ITM2B: variants seen among roughly 807,000 people sequenced by gnomAD.
ITM2B encodes integral membrane protein 2B.
A neutral mutation model predicts 27.8 loss-of-function variants in ITM2B; 11 were observed. The observed-to-expected ratio is 0.40, with a 90% CI of 0.25 to 0.66. The LOEUF is 0.66. Ranked by LOEUF, ITM2B falls within the 30% of genes least tolerant of loss-of-function variation. The pLI, the probability that ITM2B is intolerant of heterozygous loss-of-function variation, is 0.43. For missense variants in ITM2B, 296 were observed against 328.9 expected (o/e 0.90, Z 0.77); for synonymous variants, 114 against 114.3 (o/e 1.00, Z 0.02).
rs767045938 is a variant in ITM2B, at chr13:48,258,893, C to T, written c.661C>T (p.Arg221Ter). The T allele has an allele frequency of 6.8e-6, 11 of 1,612,900 alleles. No homozygotes were observed. The highest frequency in any genetic ancestry group is 1.7e-5 in the Admixed American group (1 of 59,986). Residue 221 changes from arginine to a stop codon, truncating the protein, a stop_gained, in exon 5 of 6, where the codon CGA becomes TGA. Coordinates refer to ENST00000647800, the MANE Select transcript of ITM2B (RefSeq NM_021999.5). LOFTEE classifies it high-confidence loss of function. ...TGATCACCTGGGTTTCTTTATTTAT[C>T]GACTGTGTCATGACAAGGAAACTTA... ...NIDHLGFFIY[R>*]LCHDKETYKL...
At position 48,261,261 on chromosome 13, in the gene ITM2B, C is replaced by T; in HGVS notation, c.*37C>T. 1 of 1,329,042 alleles carries T rather than the reference C, an allele frequency of 7.5e-7. No individual in the cohort carries two copies. The highest frequency in any genetic ancestry group is 1.1e-6 in the Non-Finnish European group (1 of 920,678). 82.3% of individuals were successfully genotyped at this position (1,329,042 alleles called of 1,614,324 possible). Reference sequence around the variant, plus strand: ...AAACATTATTGAGGAAAATTAATATCACAGCATAACCCCACCCTTTACATT... The same window carrying T: ...AAACATTATTGAGGAAAATTAATATTACAGCATAACCCCACCCTTTACATT... On this transcript the variant is annotated 3_prime_UTR_variant, in exon 6 of 6. Coordinates refer to ENST00000647800, the MANE Select transcript of ITM2B (RefSeq NM_021999.5).
intron 2 of ITM2B, among the ~76,000 whole-genome samples, chr13:48,255,491 C>CA (rs1468314540): frequency 6.6e-6 from 1 of 152,054 alleles, no homozygotes; most frequent in Non-Finnish European, 1.5e-5. Flanking sequence ...GACAGGGTCT[C>CA]ACCATGTTGC....
At chr13:48,258,441 C>T (rs1951802518) in intron 4 of ITM2B, among the ~76,000 whole-genome samples, 1 of 152,024 alleles carries the variant, frequency 6.6e-6, no homozygotes, top group Non-Finnish European at 1.5e-5. Context: ...TTAAGTTTTC[C>T]TAAAGAGCCA....
At chr13:48,253,135 A>G (rs1315051139) in intron 1 of ITM2B, among the ~76,000 whole-genome samples, 1 of 152,182 alleles carries the variant, frequency 6.6e-6, no homozygotes, top group South Asian at 2.1e-4. Flanking sequence ...TACTGCTTCT[A>G]TCTTTAAAAG....
At chr13:48,243,299 T>C (rs1230526767) in intron 1 of ITM2B, among the ~76,000 whole-genome samples, 1 of 152,238 alleles carries the variant, frequency 6.6e-6, no homozygotes. Context: ...TTTTCATTTA[T>C]GTTGAAATGC....
intron 1 of ITM2B, among the ~76,000 whole-genome samples, chr13:48,251,940 G>C (rs1301073587): frequency 1.3e-5 from 2 of 152,130 alleles, no homozygotes; most frequent in Non-Finnish European, 2.9e-5. Context: ...TCACAGCTGG[G>C]ATATCTTACA....
rs1951844755 is a variant in ITM2B at position 48,265,075 on chromosome 13, C to G, written c.*3851C>G. The stretch of plus-strand genomic sequence containing the variant: ...CTAAGTGGTATAAAACAAGATAATC[C>G]TAGCTTCCTCCCACTTAAAATAATT... On this transcript the variant is annotated 3_prime_UTR_variant, in exon 6 of 6. Transcript: ENST00000647800. 1 of 152,096 alleles carries G rather than the reference C, an allele frequency of 6.6e-6. No individual in the cohort carries two copies. The highest frequency in any genetic ancestry group is 1.5e-5 in the Non-Finnish European group (1 of 68,014). 9.4% of individuals were successfully genotyped at this position (152,096 alleles called of 1,614,324 possible). A position where few individuals can be genotyped will look rare whatever the true frequency, so the allele number is the denominator to read the frequency against.
In ITM2B at chr13:48,256,290, A is replaced by G; in HGVS notation, c.360A>G (p.Lys120=). The G allele has an allele frequency of 6.2e-7, 1 of 1,613,938 alleles. No homozygotes were observed. Among genetic ancestry groups the G allele is most frequent in the South Asian group, 1.1e-5 (1 of 91,074 alleles). ...ALYQTIEENI[K]IFEEEEVEFI... is the part of the protein sequence containing the mutation. Reference sequence around the variant, plus strand: ...ACCAGACAATTGAAGAAAATATTAAAATCTTTGAAGAAGAAGAAGTTGAAT... The same window carrying G: ...ACCAGACAATTGAAGAAAATATTAAGATCTTTGAAGAAGAAGAAGTTGAAT... The change falls in exon 3 of 6, where the codon AAA becomes AAG. Residue 120 remains lysine, a synonymous_variant. Transcript: ENST00000647800.
intron 1 of ITM2B, among the ~76,000 whole-genome samples, chr13:48,241,242 T>G (rs965496484): frequency 6.6e-6 from 1 of 152,180 alleles, no homozygotes; most frequent in African/African-American, 2.4e-5. Flanking sequence ...AGCAGAGTCT[T>G]GCTCTGTCAC....
rs1951850225 is a variant in ITM2B, at chr13:48,265,862, T to C, written c.*4638T>C. On this transcript the variant is annotated 3_prime_UTR_variant, in exon 6 of 6. Coordinates refer to ENST00000647800, the MANE Select transcript of ITM2B (RefSeq NM_021999.5). ...AGGCTTCTCTTGTTTCTCAGTCTCA[T>C]AGCATCATCTGTCTCTTTTTTGTGA... 6.6e-6 allele frequency: 1 copy of C among 152,178 alleles called. No homozygotes were observed. The highest frequency in any genetic ancestry group is 1.5e-5 in the Non-Finnish European group (1 of 68,038). The allele number at this position is 152,178 out of a possible 1,614,324, so 9.4% of individuals were successfully genotyped here.
chr13:48,256,029 C>T (rs1951785209), intron 2 of ITM2B, 148 bp from the exon 3 acceptor site: 8 of 671,348 alleles, frequency 1.2e-5, no homozygotes, highest in Middle Eastern at 3.9e-4. Flanking sequence ...AATATGTTAA[C>T]TCTGTAATTA....
At chr13:48,239,588 C>T (rs547548798) in intron 1 of ITM2B, among the ~76,000 whole-genome samples, 49 of 152,282 alleles carry the variant, frequency 3.2e-4, no homozygotes, top group East Asian at 5.8e-4. Context: ...GCTGAGATTG[C>T]GCCATTGCAT....
At chr13:48,256,058 C>G (rs887027151) in intron 2 of ITM2B, 119 bp from the exon 3 acceptor site, 23 of 748,338 alleles carry the variant, frequency 3.1e-5, no homozygotes, top group Middle Eastern at 3.5e-4. Flanking sequence ...GACTTGTCAT[C>G]TAAAAGCAAG....
intron 1 of ITM2B, among the ~76,000 whole-genome samples, chr13:48,242,761 C>T (rs1023251893): frequency 6.6e-6 from 1 of 152,016 alleles, no homozygotes; most frequent in Non-Finnish European, 1.5e-5. Flanking sequence ...CTTTGGTTGT[C>T]TACAGGCTGG....
intron 1 of ITM2B, among the ~76,000 whole-genome samples, chr13:48,243,989 G>C (rs1010647192): frequency 6.6e-6 from 1 of 152,100 alleles, no homozygotes; most frequent in East Asian, 1.9e-4. Flanking sequence ...GCAGCACATA[G>C]AGTCAAGATA....
intron 1 of ITM2B, among the ~76,000 whole-genome samples, chr13:48,242,177 A>G (rs1951703238): frequency 6.6e-6 from 1 of 152,188 alleles, no homozygotes; most frequent in African/African-American, 2.4e-5. Flanking sequence ...ATTAACATAA[A>G]CATTAGTTAC....
intron 3 of ITM2B, among the ~76,000 whole-genome samples, chr13:48,256,843 T>G (rs1951792440): frequency 6.6e-6 from 1 of 152,202 alleles, no homozygotes; most frequent in African/African-American, 2.4e-5. Flanking sequence ...CCATATTTGC[T>G]TCATCTCTTT....
chr13:48,250,829 G>A (rs1266716239), intron 1 of ITM2B, among the ~76,000 whole-genome samples: 1 of 152,146 alleles, frequency 6.6e-6, no homozygotes, highest in East Asian at 1.9e-4. Context: ...AGAGAACAAA[G>A]ATTAGATAGA....
intron 2 of ITM2B, 42 bp from the exon 3 acceptor site, chr13:48,256,135 C>T (rs772051695): frequency 7.0e-7 from 1 of 1,433,618 alleles, no homozygotes; most frequent in Non-Finnish European, 9.8e-7. Flanking sequence ...AAAAACCTGT[C>T]TCATGCTGAA....
Sources: allele counts gnomAD v4.1 joint callset (sites outside exome capture counted in the v4.1 genomes callset), GRCh38; gene constraint gnomAD v4.1.1; transcripts MANE v1.5; gene names NCBI Gene and HGNC (gene_info 2026-07-23, HGNC 2026-07-21).